Variants in LRRC56 observed in about 807,000 individuals in gnomAD.
LRRC56 encodes the protein leucine rich repeat containing 56, also known as leucine-rich repeat-containing protein 56.
LRRC56 carries 41 observed loss-of-function variants against 47.8 expected under a neutral mutation model. The observed-to-expected ratio is 0.86, with a 90% CI of 0.67 to 1.11. The LOEUF is 1.11. LRRC56 is among the 50% of genes most tolerant of loss of function. The probability of loss-of-function intolerance (pLI) is 0.00; values close to 1 mark genes in which losing one functional copy is unlikely to be tolerated. For missense variants in LRRC56, 759 were observed against 704.2 expected, an observed-to-expected ratio of 1.08 and a Z score of -0.88; for synonymous variants, 387 against 311.2, an observed-to-expected ratio of 1.24 and a Z score of -2.56.
the LRRC56 span, among the ~76,000 whole-genome samples, chr11:527,109 G>A: frequency 1.3e-5 from 2 of 152,098 alleles, no homozygotes; most frequent in East Asian, 3.9e-4. Context: ...AGACCATCCT[G>A]GCTAACACGG....
the LRRC56 span, among the ~76,000 whole-genome samples, chr11:511,284 G>T: frequency 6.8e-5 from 10 of 147,878 alleles, no homozygotes; most frequent in East Asian, 2.0e-3. Flanking sequence ...TCGCGCCACT[G>T]CACTCCAGCC....
the LRRC56 span, among the ~76,000 whole-genome samples, chr11:530,550 C>G: frequency 5.8e-3 from 143 of 24,824 alleles, no homozygotes; most frequent in East Asian, 0.031. Context: ...GTCCCCTGGA[C>G]AGAAGGGGGA....
chr11:531,061 GC>G, the LRRC56 span, among the ~76,000 whole-genome samples: 1 of 112,794 alleles, frequency 8.9e-6, no homozygotes, highest in Admixed American at 8.6e-5. Flanking sequence ...GGAGAGAAGG[GC>G]GAGTGTGGCG....
upstream of LRRC56, chr11:536,752 C>T (rs920983776): frequency 1.3e-5 from 2 of 152,292 alleles, no homozygotes; most frequent in African/African-American, 4.8e-5. Context: ...CAACAGAGCG[C>T]TACTTCGTCT....
chr11:532,140 C>G, the LRRC56 span: 1 of 238,414 alleles, frequency 4.2e-6, no homozygotes, highest in Non-Finnish European at 8.4e-6. Flanking sequence ...CTCCCCCTCC[C>G]AAAGGCTATG....
chr11:550,182 G>A lies in LRRC56; in HGVS notation c.534G>A (p.Val178=). 6.2e-7 allele frequency: 1 copy of A among 1,613,140 alleles called. No individual in the cohort carries two copies. The highest frequency in any genetic ancestry group is 8.5e-7 in the Non-Finnish European group (1 of 1,179,852). The change falls in exon 8 of 14, where the codon GTG becomes GTA. Residue 178 remains valine, a synonymous_variant. Coordinates refer to ENST00000270115, the MANE Select transcript of LRRC56 (RefSeq NM_198075.4). ...ACAGCGTGGAGGACCTGGGGCAGGT[G>A]CGCTACTTGCAGCTGTGCCCACGCC... The part of the protein sequence containing the change: ...EGNSVEDLGQ[V]RYLQLCPRLA...
chr11:532,784 G>A (rs1230674222), upstream of LRRC56: 38 of 1,609,390 alleles, frequency 2.4e-5, no homozygotes, highest in Non-Finnish European at 3.1e-5. Context: ...GATCAGGAGG[G>A]ACCGGCCTGT....
chr11:540,858 G>T lies in LRRC56; in HGVS notation c.174G>T (p.Arg58=), dbSNP rs1450597729. 2 of 1,553,958 alleles carry T rather than the reference G, an allele frequency of 1.3e-6. No individual in the cohort carries two copies. The highest frequency in any genetic ancestry group is 1.7e-6 in the Non-Finnish European group (2 of 1,148,512). ...QLVEEYLSPA[R]LQALARVDDL... ...TGGAAGAGTACCTGTCCCCTGCCCG[G>T]CTGGTGAGTGTGGGCGCTGGGGGCT... Residue 58 remains arginine, a synonymous_variant, in exon 4 of 14, where the codon CGG becomes CGT. Transcript: ENST00000270115.
chr11:509,351 A>T, the LRRC56 span, among the ~76,000 whole-genome samples: 1 of 152,168 alleles, frequency 6.6e-6, no homozygotes, highest in Non-Finnish European at 1.5e-5. Context: ...CTTTGCCATG[A>T]TCTCTTAGAT....
At chr11:536,071 C>T (rs916472905), upstream of LRRC56, among the ~76,000 whole-genome samples, 1 of 152,222 alleles carries the variant, frequency 6.6e-6, no homozygotes, top group Non-Finnish European at 1.5e-5. Context: ...CCCTTCCGCG[C>T]AGGTGGAGCG....
chr11:525,398 C>T, the LRRC56 span, among the ~76,000 whole-genome samples: 1 of 150,946 alleles, frequency 6.6e-6, no homozygotes, highest in African/African-American at 2.4e-5. Context: ...AATTAGCCGG[C>T]CGTGGTGGCG....
rs552279971 is a variant in LRRC56 at position 551,686 on chromosome 11, C to T, written c.832C>T (p.Pro278Ser). 1.2e-6 allele frequency: 2 copies of T among 1,604,164 alleles called. No individual in the cohort carries two copies. The highest frequency in any genetic ancestry group is 4.5e-5 in the East Asian group (2 of 44,766). Residue 278 changes from proline (P) to serine (S), a missense_variant, in exon 10 of 14, where the codon CCC (proline) becomes TCC (serine). Physicochemically the swap from Pro to Ser is moderately conservative, Grantham distance 74. Transcript: ENST00000270115. ...PRGAPIRRLD[P>S]ELSLPETQSR... ...TGGAGCCCCCATCCGGAGACTTGAC[C>T]CCGAGCTGTCCCTGCCTGAGACGCA...
At chr11:517,475 A>G in the LRRC56 span, among the ~76,000 whole-genome samples, 1 of 145,348 alleles carries the variant, frequency 6.9e-6, no homozygotes, top group South Asian at 2.2e-4. Flanking sequence ...AGTGAGGGGC[A>G]CCTCTGCCCA....
chr11:527,758 TTCC>T, the LRRC56 span, among the ~76,000 whole-genome samples: 1 of 146,462 alleles, frequency 6.8e-6, no homozygotes, highest in Non-Finnish European at 1.5e-5. Flanking sequence ...TGGAGTGCAA[TTCC>T]GCGATCTCGG....
In LRRC56 at chr11:554,205, C is replaced by G; in HGVS notation, c.1558C>G (p.Pro520Ala). ...AGCCCAGGGATGTCCTGGCCCAAAG[C>G]CAGCACCAGATGCAGCAGCTAGACC... ...PRAQGCPGPK[P>A]APDAAARPPR... The change falls in exon 14 of 14, where the codon CCA (proline) becomes GCA (alanine). Residue 520 changes from proline to alanine, a missense_variant. Coordinates refer to ENST00000270115, the MANE Select transcript of LRRC56 (RefSeq NM_198075.4). The G allele has an allele frequency of 1.3e-6, 2 of 1,548,558 alleles. No individual in the cohort carries two copies. The highest frequency in any genetic ancestry group is 1.7e-6 in the Non-Finnish European group (2 of 1,148,764).
rs764437873 is a variant in LRRC56 at position 544,760 on chromosome 11, C to T, written c.306C>T (p.Gly102=). 6.2e-7 allele frequency: 1 copy of T among 1,612,390 alleles called. No homozygotes were observed. Among genetic ancestry groups the T allele is most frequent in the South Asian group, 1.1e-5 (1 of 91,062 alleles). ...ACCTGGACCAACTGAAGCTGAACGG[C>T]AGCCACCTGGGCTCCCTGAGGTGAG... ...LPNLDQLKLN[G]SHLGSLRDLG... The change falls in exon 6 of 14, where the codon GGC becomes GGT. Residue 102 remains glycine (G), a synonymous_variant. Coordinates refer to ENST00000270115, the MANE Select transcript of LRRC56 (RefSeq NM_198075.4).
At chr11:509,539 A>T in the LRRC56 span, among the ~76,000 whole-genome samples, 3 of 151,768 alleles carry the variant, frequency 2.0e-5, no homozygotes, top group Non-Finnish European at 2.9e-5. Context: ...CCTGAAAGGT[A>T]TGTCTTCATT....
At chr11:532,447 G>T in the LRRC56 span, 2 of 804,996 alleles carry the variant, frequency 2.5e-6, no homozygotes, top group Non-Finnish European at 3.9e-6. Flanking sequence ...TTCCTTCCTT[G>T]CTTCCGTCCT....
intron 5 of LRRC56, among the ~76,000 whole-genome samples, chr11:542,580 C>CAAAAAAAAAAAAAAAAAAA (rs71022928): frequency 1.0e-3 from 27 of 25,992 alleles, no homozygotes; most frequent in African/African-American, 1.3e-3. Flanking sequence ...AACCCTGTCG[C>CAAAAAAAAAAAAAAAAAAA]AAAAAAAAAA....
Sources: gnomAD v4.1 joint callset for allele counts (sites outside exome capture counted in the v4.1 genomes callset) on GRCh38, gnomAD v4.1.1 for gene constraint, MANE v1.5 for transcripts, NCBI Gene and HGNC (gene_info 2026-07-23, HGNC 2026-07-21) for gene names.